GPR176: variants seen among roughly 807,000 people sequenced by gnomAD.
GPR176 encodes G-protein coupled receptor 176.
GPR176 carries 26 observed loss-of-function variants against 35.4 expected under a neutral mutation model. That is an observed-to-expected ratio of 0.74 (90% CI 0.54 to 1.02). GPR176 has a LOEUF of 1.02. Among genes scored for constraint, GPR176 ranks in the 50% least tolerant of loss-of-function variants. The pLI, the probability that GPR176 is intolerant of heterozygous loss-of-function variation, is 0.00. For synonymous variants in GPR176, 278 were observed against 271.3 expected (o/e 1.02, Z -0.24); for missense variants, 597 against 665.3 (o/e 0.90, Z 1.13).
At chr15:39,894,159 T>C (rs866708267) in intron 1 of GPR176, among the ~76,000 whole-genome samples, 28 of 89,960 alleles carry the variant, frequency 3.1e-4, no homozygotes, top group Admixed American at 1.6e-3. Flanking sequence ...CCCTCCCGGA[T>C]GGGGCGGCTG....
At chr15:39,912,217 C>A (rs1227216455) in intron 1 of GPR176, among the ~76,000 whole-genome samples, 2 of 152,114 alleles carry the variant, frequency 1.3e-5, no homozygotes, top group African/African-American at 4.8e-5. Context: ...CAAAATTTTG[C>A]CTAGAGCCAC....
At chr15:39,827,941 A>T (rs970299767) in intron 1 of GPR176, among the ~76,000 whole-genome samples, 1 of 152,196 alleles carries the variant, frequency 6.6e-6, no homozygotes, top group Non-Finnish European at 1.5e-5. Context: ...GCATGTCCCT[A>T]TGGGTACACA....
chr15:39,852,959 C>A (rs1356360342), intron 1 of GPR176, among the ~76,000 whole-genome samples: 1 of 152,228 alleles, frequency 6.6e-6, no homozygotes, highest in African/African-American at 2.4e-5. Flanking sequence ...CTTGTACACT[C>A]TTGATAACAA....
intron 1 of GPR176, chr15:39,909,862 T>C: frequency 1.0e-6 from 1 of 961,160 alleles, no homozygotes. Flanking sequence ...TGAGGTTTTC[T>C]TTTAATTACC....
At chr15:39,818,726 C>G (rs576316332) in intron 1 of GPR176, among the ~76,000 whole-genome samples, 9 of 152,224 alleles carry the variant, frequency 5.9e-5, no homozygotes, top group African/African-American at 2.2e-4. Flanking sequence ...GGGGCTCTCT[C>G]ATGGAATTCA....
chr15:39,817,842 A>T (rs192624977), intron 1 of GPR176, among the ~76,000 whole-genome samples: 1 of 152,368 alleles, frequency 6.6e-6, no homozygotes, highest in African/African-American at 2.4e-5. Flanking sequence ...TGGGGAACCA[A>T]CATTAAACAA....
At chr15:39,913,903 G>A (rs540548489) in intron 1 of GPR176, among the ~76,000 whole-genome samples, 92 of 152,238 alleles carry the variant, frequency 6.0e-4, no homozygotes, top group Non-Finnish European at 1.1e-3. Flanking sequence ...AACATTAGCC[G>A]GGCATGGTGG....
At position 39,801,300 on chromosome 15, in the gene GPR176, C is replaced by T. The variant is rs1898835182; in HGVS notation, c.1380G>A (p.Leu460=). ...SLQFGFGPFE[L]PPQWLSETRN... ...GGGTCTCTGAGAGCCACTGAGGAGGCAACTCAAAAGGCCCAAAGCCAAACT... is the reference window on the plus strand; with the variant it reads ...GGGTCTCTGAGAGCCACTGAGGAGGTAACTCAAAAGGCCCAAAGCCAAACT... Residue 460 remains leucine, a synonymous_variant, in exon 3 of 3, where the codon TTG becomes TTA. Transcript: ENST00000561100. The T allele has an allele frequency of 1.2e-6, 2 of 1,614,126 alleles. No homozygotes were observed. The highest frequency in any genetic ancestry group is 1.7e-6 in the Non-Finnish European group (2 of 1,180,000).
At chr15:39,917,878 C>G (rs1429394001) in intron 1 of GPR176, among the ~76,000 whole-genome samples, 1 of 151,716 alleles carries the variant, frequency 6.6e-6, no homozygotes, top group Non-Finnish European at 1.5e-5. Context: ...AACCCCGTCT[C>G]TACTAAAAAT....
chr15:39,917,394 A>C (rs959694065), intron 1 of GPR176, among the ~76,000 whole-genome samples: 5 of 147,270 alleles, frequency 3.4e-5, no homozygotes, highest in African/African-American at 1.3e-4. Context: ...GGAGTGCAGC[A>C]GTGAAATCCC....
At chr15:39,810,119 GAC>G (rs1018897094) in intron 1 of GPR176, among the ~76,000 whole-genome samples, 1 of 147,230 alleles carries the variant, frequency 6.8e-6, no homozygotes, top group Non-Finnish European at 1.5e-5. Context: ...CAGCCTGGGT[GAC>G]AGAGTGAGAC....
At chr15:39,872,186 AAT>A (rs3066141) in intron 1 of GPR176, among the ~76,000 whole-genome samples, 40,757 of 152,012 alleles carry the variant, frequency 0.27, 5,975 homozygotes, top group East Asian at 0.49. Context: ...TAAGTTGTAT[AAT>A]AGAGAGATAA....
rs761894953 is a variant in GPR176 at position 39,919,990 on chromosome 15, T to C, written c.37A>G (p.Ser13Gly). 58 of 1,457,138 alleles carry C rather than the reference T, an allele frequency of 4.0e-5. No individual in the cohort carries two copies. The highest frequency in any genetic ancestry group is 4.6e-5 in the Non-Finnish European group (51 of 1,103,428). The allele number at this position is 1,457,138 out of a possible 1,614,324, so 90.3% of individuals were successfully genotyped here. A position where few individuals can be genotyped will look rare whatever the true frequency, so the allele number is the denominator to read the frequency against. ...GCGCCGGACGCGTTGTGCGGCTCGC[T>C]GGCATTTGGAGAGATCCAGCTCCCG... The part of the protein sequence containing the change: ...HNGSWISPNA[S>G]EPHNASGAEA... The change falls in exon 1 of 3, where the codon AGC becomes GGC. Residue 13 changes from serine to glycine, a missense_variant. This residue lies in a region of GPR176 where 126 missense variants were observed against 112.4 expected (regional missense o/e 1.12). Coordinates refer to ENST00000561100, the MANE Select transcript of GPR176 (RefSeq NM_007223.3).
rs117254373 is a variant in GPR176 at position 39,803,680 on chromosome 15, C to T, written c.426-1426G>A. On this transcript the variant is annotated intron_variant, in intron 2 of 2. Coordinates refer to ENST00000561100, the MANE Select transcript of GPR176 (RefSeq NM_007223.3). ...GACACAGGAATGTCTCTAAACCCAA[C>T]GGGGACAAAGATACACACACTAATA... 1.1e-4 allele frequency among the ~76,000 whole-genome samples: 17 copies of T among 152,198 alleles called. No homozygotes were observed. The East Asian group carries it at 3.1e-3, about 28-fold the overall frequency.
At chr15:39,893,784 A>AC (rs1249742936) in intron 1 of GPR176, among the ~76,000 whole-genome samples, 10 of 119,818 alleles carry the variant, frequency 8.3e-5, no homozygotes, top group African/African-American at 1.9e-4. Flanking sequence ...GCGGGGGCTG[A>AC]CCCCCCCACC....
intron 1 of GPR176, among the ~76,000 whole-genome samples, chr15:39,904,249 T>G (rs975973664): frequency 2.6e-5 from 4 of 152,200 alleles, no homozygotes; most frequent in Non-Finnish European, 4.4e-5. Flanking sequence ...TAGAATTCCT[T>G]AACTGTCTGG....
chr15:39,867,538 GAACCTCACGCTGGAGGCTACTC>G (rs369729013), intron 1 of GPR176, among the ~76,000 whole-genome samples: 266 of 152,304 alleles, frequency 1.7e-3, no homozygotes, highest in African/African-American at 5.8e-3. Flanking sequence ...CCCAGGGTTT[GAACCTCACGCTGGAGGCTACTC>G]AGGGCCAAAG....
chr15:39,865,658 T>A (rs1157052653), intron 1 of GPR176, among the ~76,000 whole-genome samples: 1 of 152,128 alleles, frequency 6.6e-6, no homozygotes, highest in Non-Finnish European at 1.5e-5. Context: ...CACTATGTGA[T>A]CTATGCGTGT....
intron 1 of GPR176, among the ~76,000 whole-genome samples, chr15:39,864,434 T>C (rs1293504365): frequency 7.3e-5 from 11 of 151,330 alleles, no homozygotes; most frequent in Non-Finnish European, 1.3e-4. Flanking sequence ...AAAATTGGAT[T>C]GGCATATGCA....
Sources: allele counts gnomAD v4.1 joint callset (sites outside exome capture counted in the v4.1 genomes callset), GRCh38; gene constraint gnomAD v4.1.1; regional missense constraint gnomAD v4.1.1; transcripts MANE v1.5; gene names NCBI Gene and HGNC (gene_info 2026-07-23, HGNC 2026-07-21).